LHCGR: variants seen among roughly 807,000 people sequenced by gnomAD.
LHCGR encodes the protein lutropin-choriogonadotropic hormone receptor.
In LHCGR, 55 loss-of-function variants were observed where a neutral mutation model predicts 60.7. That is an observed-to-expected ratio of 0.91 (90% CI 0.73 to 1.13). LHCGR has a LOEUF of 1.13. LHCGR is among the 50% of genes most tolerant of loss of function. LHCGR has a pLI of 0.00. For missense variants in LHCGR, 862 were observed against 836.0 expected (o/e 1.03, Z -0.38); for synonymous variants, 337 against 316.5 (o/e 1.06, Z -0.69).
chr2:48,747,292 A>T (rs1473931008), intron 1 of LHCGR, among the ~76,000 whole-genome samples: 1 of 152,018 alleles, frequency 6.6e-6, no homozygotes, highest in Non-Finnish European at 1.5e-5. Flanking sequence ...AGGTTTCACC[A>T]TGTTGGCCAG....
rs139471570 is a variant in LHCGR at position 48,748,815 on chromosome 2, G to A, written c.161+6696C>T. Among the ~76,000 whole-genome samples the A allele has an allele frequency of 3.2e-3, 484 of 152,204 alleles. 1 individual carries two copies. Among genetic ancestry groups the A allele is most frequent in the Middle Eastern group, 0.014 (4 of 294 alleles). On this transcript the variant is annotated intron_variant, in intron 1 of 10. Transcript: ENST00000294954. ...CAGGAATCATCATGTCCCTTTTACA[G>A]ACAGCAAAGAGATTTCATCATTGAG...
chr2:48,751,138 G>A (rs1669938170), intron 1 of LHCGR, among the ~76,000 whole-genome samples: 1 of 152,164 alleles, frequency 6.6e-6, no homozygotes, highest in South Asian at 2.1e-4. Flanking sequence ...TGGGCATCAG[G>A]GAAGGCTTCA....
At chr2:48,693,373 A>T (rs1558809594) in intron 10 of LHCGR, among the ~76,000 whole-genome samples, 1 of 152,162 alleles carries the variant, frequency 6.6e-6, no homozygotes. Flanking sequence ...TGCCAGCGAT[A>T]CTCTGTTACA....
In LHCGR at chr2:48,718,010, A is replaced by G. The variant is rs150549582; in HGVS notation, c.537-3956T>C. On this transcript the variant is annotated intron_variant, in intron 6 of 10. Coordinates refer to ENST00000294954, the MANE Select transcript of LHCGR (RefSeq NM_000233.4). ...GCTTCCTTACTTTGGAGAAATTACA[A>G]ATGTGAGTGGGAGACCTCATGCTGT... Among the ~76,000 whole-genome samples, 910 of 151,874 alleles carry G rather than the reference A, an allele frequency of 6.0e-3. 2 individuals carry two copies. Among genetic ancestry groups the G allele is most frequent in the Non-Finnish European group, 1.0e-2 (678 of 67,938 alleles).
intron 8 of LHCGR, among the ~76,000 whole-genome samples, chr2:48,703,212 A>T (rs1259227156): frequency 6.6e-6 from 1 of 152,106 alleles, no homozygotes; most frequent in Non-Finnish European, 1.5e-5. Flanking sequence ...ATTTTCTCCC[A>T]TTCTCTAGGT....
chr2:48,712,167 C>G (rs186547780), intron 7 of LHCGR, among the ~76,000 whole-genome samples: 9 of 152,036 alleles, frequency 5.9e-5, no homozygotes, highest in East Asian at 1.9e-4. Flanking sequence ...TTTCCTGCTG[C>G]CTTTGAAATC....
intron 1 of LHCGR, among the ~76,000 whole-genome samples, chr2:48,735,266 C>A (rs768278652): frequency 1.3e-5 from 2 of 152,228 alleles, no homozygotes; most frequent in African/African-American, 2.4e-5. Context: ...AGTCATTCAT[C>A]CTAGTACTGG....
rs1558909396 is a variant in LHCGR at position 48,752,997 on chromosome 2, T to TGGGGGG, written c.161+2513_161+2514insCCCCCC. On this transcript the variant is annotated intron_variant, in intron 1 of 10. Coordinates refer to ENST00000294954, the MANE Select transcript of LHCGR (RefSeq NM_000233.4). ...GGATTTTGGCGGGGGGGGGGGGGGG[T>TGGGGGG]GGGGAAGGGAAGTGTATGGCACAAG... Among the ~76,000 whole-genome samples, 54 of 18,424 alleles carry TGGGGGG rather than the reference T, an allele frequency of 2.9e-3. 1 individual carries two copies. Among genetic ancestry groups the TGGGGGG allele is most frequent in the South Asian group, 7.5e-3 (2 of 266 alleles). 12.1% of individuals were successfully genotyped at this position (18,424 alleles called of 152,430 possible).
intron 1 of LHCGR, among the ~76,000 whole-genome samples, chr2:48,754,961 G>C (rs1291442172): frequency 6.6e-6 from 1 of 151,828 alleles, no homozygotes; most frequent in Non-Finnish European, 1.5e-5. Context: ...TGAAGTTCAA[G>C]CACATCTGGG....
intron 2 of LHCGR, 119 bp downstream of exon 2, chr2:48,731,108 G>GAAA: frequency 1.5e-6 from 1 of 674,430 alleles, no homozygotes; most frequent in Non-Finnish European, 2.6e-6. Context: ...AAAAATATGT[G>GAAA]AGTATCCTAA....
Position 48,755,554 on chromosome 2 carries a change from C to A in LHCGR, c.118G>T (p.Gly40Cys). 6.5e-7 allele frequency: 1 copy of A among 1,541,106 alleles called. No homozygotes were observed. ...CPEPCNCVPD[G>C]ALRCPGPTAG... Reference sequence around the variant, plus strand: ...GTGGGGCCGGGGCAGCGCAGGGCGCCGTCGGGCACGCAGTTGCAGGGCTCA... The same window carrying A: ...GTGGGGCCGGGGCAGCGCAGGGCGCAGTCGGGCACGCAGTTGCAGGGCTCA... Residue 40 changes from glycine to cysteine, a missense_variant, in exon 1 of 11, where the codon GGC (glycine) becomes TGC (cysteine). Transcript: ENST00000294954.
At chr2:48,741,598 T>C (rs367960777) in intron 1 of LHCGR, among the ~76,000 whole-genome samples, 272 of 151,688 alleles carry the variant, frequency 1.8e-3, no homozygotes, top group African/African-American at 6.4e-3. Context: ...ACTAAGCTTC[T>C]TAAGTGAAGG....
intron 1 of LHCGR, among the ~76,000 whole-genome samples, chr2:48,751,475 C>T (rs185313650): frequency 6.6e-6 from 1 of 152,306 alleles, no homozygotes; most frequent in Non-Finnish European, 1.5e-5. Context: ...CCCATGAAGC[C>T]TTCCCTTGGA....
intron 6 of LHCGR, among the ~76,000 whole-genome samples, chr2:48,714,684 GGT>G (rs1668156272): frequency 6.6e-6 from 1 of 151,780 alleles, no homozygotes; most frequent in South Asian, 2.1e-4. Context: ...AAGTGATTAG[GGT>G]ATTAATGTTT....
chr2:48,690,525 T>A (rs1680179198), intron 10 of LHCGR, among the ~76,000 whole-genome samples: 1 of 152,250 alleles, frequency 6.6e-6, no homozygotes, highest in Non-Finnish European at 1.5e-5. Context: ...ATTCTTAAAA[T>A]TAGCTCTTGC....
At chr2:48,744,321 C>A (rs1312760501) in intron 1 of LHCGR, among the ~76,000 whole-genome samples, 1 of 35,652 alleles carries the variant, frequency 2.8e-5, no homozygotes, top group Non-Finnish European at 4.9e-5. Context: ...CAATGACTTT[C>A]TTCACAGAAT....
intron 6 of LHCGR, chr2:48,720,281 A>G (rs918449232): frequency 1.3e-5 from 2 of 152,074 alleles, no homozygotes; most frequent in African/African-American, 4.8e-5. Flanking sequence ...ATAGTTACCT[A>G]TGGATTATCC....
chr2:48,748,624 T>C (rs1262590445), intron 1 of LHCGR, among the ~76,000 whole-genome samples: 1 of 152,214 alleles, frequency 6.6e-6, no homozygotes, highest in East Asian at 1.9e-4. Context: ...CCTTGGATGA[T>C]AGATATTTAC....
At chr2:48,720,063 C>G (rs138537212) in intron 6 of LHCGR, 5 of 152,248 alleles carry the variant, frequency 3.3e-5, no homozygotes, top group Middle Eastern at 6.8e-3. Flanking sequence ...CTGGGAGAGA[C>G]GGAGCCTCAA....
Sources: allele counts gnomAD v4.1 joint callset (sites outside exome capture counted in the v4.1 genomes callset), GRCh38; gene constraint gnomAD v4.1.1; transcripts MANE v1.5; gene names NCBI Gene and HGNC (gene_info 2026-07-23, HGNC 2026-07-21).